IL1RAPL2: variants seen among roughly 807,000 people sequenced by gnomAD.
The protein encoded by IL1RAPL2 is interleukin 1 receptor accessory protein like 2.
IL1RAPL2 carries 3 observed loss-of-function variants against 44.1 expected under a neutral mutation model. The ratio of observed to expected loss-of-function variants is 0.07; its 90% CI spans 0.03 to 0.18. The LOEUF is 0.18. IL1RAPL2 is among the 10% of genes least tolerant of loss of function. IL1RAPL2 has a pLI of 1.00. For missense variants in IL1RAPL2, 391 were observed against 496.4 expected (o/e 0.79, Z 2.02); for synonymous variants, 181 against 178.8 (o/e 1.01, Z -0.10).
At chrX:105,157,990 A>C (rs976724088) in intron 2 of IL1RAPL2, among the ~76,000 whole-genome samples, 1 of 112,086 alleles carries the variant, frequency 8.9e-6, no homozygotes, top group Non-Finnish European at 1.9e-5. Flanking sequence ...ACTATGGGGC[A>C]CGGAGGAAAA....
At chrX:105,761,942 T>C (rs1267306441) in intron 10 of IL1RAPL2, among the ~76,000 whole-genome samples, 1 of 112,190 alleles carries the variant, frequency 8.9e-6, no homozygotes, top group Non-Finnish European at 1.9e-5. Flanking sequence ...AGATGGTTAG[T>C]AGGCAGGAGT....
chrX:105,362,253 G>GA (rs1295780370), intron 5 of IL1RAPL2, among the ~76,000 whole-genome samples: 5 of 111,329 alleles, frequency 4.5e-5, no homozygotes, highest in East Asian at 2.8e-4. Flanking sequence ...TGTAATCCTT[G>GA]AAAATGTGAA....
intron 2 of IL1RAPL2, among the ~76,000 whole-genome samples, chrX:104,923,486 C>T (rs1019284593): frequency 1.8e-5 from 2 of 111,833 alleles, no homozygotes; most frequent in Non-Finnish European, 1.9e-5. Flanking sequence ...AAGCCAGAAG[C>T]GATCAGGGGC....
intron 2 of IL1RAPL2, among the ~76,000 whole-genome samples, chrX:105,020,367 T>C: frequency 8.9e-6 from 1 of 111,766 alleles, no homozygotes; most frequent in East Asian, 2.8e-4. Flanking sequence ...CAGAGTGTTA[T>C]TGTAAGTTTT....
intron 1 of IL1RAPL2, among the ~76,000 whole-genome samples, chrX:104,624,462 G>T (rs1929460338): frequency 9.0e-6 from 1 of 111,159 alleles, no homozygotes. Flanking sequence ...ATGAAAAGAT[G>T]ATCTATCTAA....
At chrX:104,842,909 G>T (rs762937580) in intron 2 of IL1RAPL2, among the ~76,000 whole-genome samples, 1 of 112,810 alleles carries the variant, frequency 8.9e-6, no homozygotes. Flanking sequence ...CCTTAGCGGA[G>T]CTGGTGCACT....
intron 2 of IL1RAPL2, among the ~76,000 whole-genome samples, chrX:105,110,022 A>G (rs1327141577): frequency 8.9e-6 from 1 of 111,920 alleles, no homozygotes; most frequent in Non-Finnish European, 1.9e-5. Context: ...CTCACTCTAC[A>G]TATGAGAAAT....
intron 2 of IL1RAPL2, among the ~76,000 whole-genome samples, chrX:105,164,154 C>T (rs1260170267): frequency 2.7e-5 from 3 of 110,106 alleles, no homozygotes; most frequent in Non-Finnish European, 5.7e-5. Flanking sequence ...TCTGAGCTGA[C>T]AGCAGATTGC....
intron 6 of IL1RAPL2, among the ~76,000 whole-genome samples, chrX:105,698,513 A>T (rs990619931): frequency 9.0e-6 from 1 of 111,700 alleles, no homozygotes; most frequent in South Asian, 3.7e-4. Flanking sequence ...GTGCACAGTC[A>T]CCTCTGTATA....
intron 6 of IL1RAPL2, among the ~76,000 whole-genome samples, chrX:105,531,725 A>G (rs1201163435): frequency 9.0e-6 from 1 of 111,705 alleles, no homozygotes; most frequent in African/African-American, 3.3e-5. Flanking sequence ...TTTTGATTTT[A>G]TTTTTGTATA....
intron 6 of IL1RAPL2, among the ~76,000 whole-genome samples, chrX:105,616,210 T>C (rs1386889262): frequency 8.9e-6 from 1 of 111,855 alleles, no homozygotes; most frequent in Non-Finnish European, 1.9e-5. Context: ...AAAAATAATA[T>C]GCATGAGCAA....
intron 2 of IL1RAPL2, among the ~76,000 whole-genome samples, chrX:105,081,448 A>T (rs2032405317): frequency 9.0e-6 from 1 of 111,535 alleles, no homozygotes; most frequent in South Asian, 3.8e-4. Context: ...TAAAAGTTAA[A>T]ATCTGTTATT....
intron 8 of IL1RAPL2, among the ~76,000 whole-genome samples, chrX:105,747,987 A>T (rs1466975456): frequency 9.0e-6 from 1 of 111,331 alleles, no homozygotes. Flanking sequence ...CCTGTGGAAA[A>T]TACGTCTCTG....
chrX:104,589,794 C>T (rs772595403), intron 1 of IL1RAPL2, among the ~76,000 whole-genome samples: 6 of 110,983 alleles, frequency 5.4e-5, no homozygotes, highest in Admixed American at 9.6e-5. Flanking sequence ...TTTGAGAAAG[C>T]GAACCACATG....
In IL1RAPL2 at chrX:105,766,786, G is replaced by A. The variant is rs552717312; in HGVS notation, c.1364-178G>A. The stretch of plus-strand genomic sequence containing the variant: ...TAATGGTGAGGGAAAAGAAAATAAC[G>A]ATTATAAGCAGTTTTTTTTTTTTTC... On this transcript the variant is annotated intron_variant, in intron 10 of 10. Coordinates refer to ENST00000372582, the MANE Select transcript of IL1RAPL2 (RefSeq NM_017416.2). 6.3e-5 allele frequency among the ~76,000 whole-genome samples: 6 copies of A among 95,036 alleles called. No individual in the cohort carries two copies. In the South Asian group the frequency reaches 2.0e-3, roughly 32 times the overall value. The allele number at this position is 95,036 out of a possible 115,157, so 82.5% of individuals were successfully genotyped here.
intron 2 of IL1RAPL2, among the ~76,000 whole-genome samples, chrX:104,879,365 T>TAAAAA (rs753494292): frequency 7.1e-4 from 22 of 31,029 alleles, no homozygotes; most frequent in African/African-American, 1.7e-3. Flanking sequence ...GCAAAACTAG[T>TAAAAA]AAAAAAAAAA....
chrX:105,185,166 C>A (rs1556133156), intron 2 of IL1RAPL2, among the ~76,000 whole-genome samples: 1 of 111,326 alleles, frequency 9.0e-6, no homozygotes, highest in Non-Finnish European at 1.9e-5. Context: ...TATATAAGAG[C>A]CTAAACTTGA....
At chrX:105,291,766 G>T (rs895441726) in intron 5 of IL1RAPL2, among the ~76,000 whole-genome samples, 4 of 111,207 alleles carry the variant, frequency 3.6e-5, no homozygotes, top group African/African-American at 1.3e-4. Flanking sequence ...GACTCCTAGG[G>T]CCTCAAAGAC....
At chrX:105,478,017 G>T (rs747564010) in intron 5 of IL1RAPL2, among the ~76,000 whole-genome samples, 1 of 110,334 alleles carries the variant, frequency 9.1e-6, no homozygotes, top group African/African-American at 3.3e-5. Flanking sequence ...ACAACTTCAG[G>T]GCATCCCATT....
Sources: allele counts gnomAD v4.1 joint callset (sites outside exome capture counted in the v4.1 genomes callset), GRCh38; gene constraint gnomAD v4.1.1; transcripts MANE v1.5; gene names NCBI Gene and HGNC (gene_info 2026-07-23, HGNC 2026-07-21).